Variants in GRIK4 observed in about 807,000 individuals in gnomAD.
The protein encoded by GRIK4 is glutamate receptor ionotropic, kainate 4.
Under a neutral mutation model 104.9 loss-of-function variants are expected in GRIK4, and 40 were observed. The observed-to-expected ratio is 0.38, with a 90% CI of 0.30 to 0.50. The LOEUF (loss-of-function observed/expected upper bound fraction) is 0.50, where lower values mean the gene tolerates loss of function less well. GRIK4 is among the 20% of genes least tolerant of loss of function. The pLI is 0.93. For synonymous variants in GRIK4, 485 were observed against 524.9 expected (o/e 0.92, Z 1.04); for missense variants, 1,047 against 1,308.1 (o/e 0.80, Z 3.08).
intron 1 of GRIK4, among the ~76,000 whole-genome samples, chr11:120,565,157 T>G (rs1206382826): frequency 6.6e-6 from 1 of 152,154 alleles, no homozygotes; most frequent in Non-Finnish European, 1.5e-5. Context: ...TGGGGAGCGC[T>G]GTGCCTGCTC....
intron 13 of GRIK4, among the ~76,000 whole-genome samples, chr11:120,919,897 G>A (rs557316998): frequency 1.3e-3 from 198 of 152,262 alleles, no homozygotes; most frequent in Non-Finnish European, 2.5e-3. Context: ...ATGGCACACA[G>A]GGAAAGAGTA....
At chr11:120,934,594 G>A (rs1186365335) in intron 13 of GRIK4, among the ~76,000 whole-genome samples, 1 of 152,132 alleles carries the variant, frequency 6.6e-6, no homozygotes, top group East Asian at 1.9e-4. Flanking sequence ...GTATGTTTTG[G>A]AAGTCACCTC....
At chr11:120,865,917 T>G (rs1191197394) in intron 9 of GRIK4, among the ~76,000 whole-genome samples, 1 of 151,682 alleles carries the variant, frequency 6.6e-6, no homozygotes, top group Non-Finnish European at 1.5e-5. Context: ...CCATTCTTGG[T>G]GGAAGGCAAG....
At chr11:120,598,673 C>T (rs1024423539) in intron 1 of GRIK4, among the ~76,000 whole-genome samples, 4 of 152,184 alleles carry the variant, frequency 2.6e-5, no homozygotes, top group African/African-American at 9.7e-5. Flanking sequence ...TCAGCTGTGG[C>T]AAGGACCACA....
intron 3 of GRIK4, among the ~76,000 whole-genome samples, chr11:120,723,273 T>C (rs933429725): frequency 1.3e-5 from 2 of 152,208 alleles, no homozygotes; most frequent in South Asian, 4.1e-4. Context: ...TTCTTCACAC[T>C]TGAAGGTGAT....
intron 3 of GRIK4, among the ~76,000 whole-genome samples, chr11:120,779,407 C>T (rs1021199058): frequency 2.6e-5 from 4 of 152,138 alleles, no homozygotes; most frequent in African/African-American, 9.7e-5. Flanking sequence ...GGCAAGTACC[C>T]TGGTTGGGGG....
At chr11:120,962,713 G>A in intron 18 of GRIK4, 32 bp downstream of exon 18, 2 of 1,480,020 alleles carry the variant, frequency 1.4e-6, no homozygotes, top group Non-Finnish European at 1.9e-6. Flanking sequence ...TCTTTGGGTA[G>A]CTTTGTCCAG....
chr11:120,932,416 C>T (rs543765237), intron 13 of GRIK4, among the ~76,000 whole-genome samples: 1 of 151,984 alleles, frequency 6.6e-6, no homozygotes, highest in African/African-American at 2.4e-5. Flanking sequence ...AGCTCAGCAG[C>T]CCCATGTTAC....
chr11:120,546,231 T>C (rs1948084338), intron 1 of GRIK4, among the ~76,000 whole-genome samples: 1 of 152,188 alleles, frequency 6.6e-6, no homozygotes, highest in Non-Finnish European at 1.5e-5. Context: ...CTGCTGTTCC[T>C]GTTGAATTGG....
chr11:120,833,504 C>T (rs535310235), intron 7 of GRIK4, among the ~76,000 whole-genome samples: 3 of 152,148 alleles, frequency 2.0e-5, no homozygotes, highest in African/African-American at 7.2e-5. Flanking sequence ...CTCCACCACC[C>T]TTGTGGAAGG....
intron 7 of GRIK4, among the ~76,000 whole-genome samples, chr11:120,834,842 C>T (rs983658937): frequency 6.6e-6 from 1 of 152,236 alleles, no homozygotes; most frequent in Admixed American, 6.5e-5. Context: ...CAGCAGATTT[C>T]ACAAAGCGGG....
intron 3 of GRIK4, among the ~76,000 whole-genome samples, chr11:120,791,980 C>G (rs1952403606): frequency 6.6e-6 from 1 of 152,178 alleles, no homozygotes; most frequent in South Asian, 2.1e-4. Flanking sequence ...TTGAAGTTCT[C>G]CTGCTGTCAG....
chr11:120,605,026 C>G (rs1948941174), intron 1 of GRIK4, among the ~76,000 whole-genome samples: 1 of 152,150 alleles, frequency 6.6e-6, no homozygotes, highest in South Asian at 2.1e-4. Context: ...CCGTACCTGC[C>G]TAATTTTTAA....
chr11:120,737,159 G>A (rs1189271424), intron 3 of GRIK4, among the ~76,000 whole-genome samples: 1 of 152,108 alleles, frequency 6.6e-6, no homozygotes, highest in Non-Finnish European at 1.5e-5. Context: ...GAGGATGGCC[G>A]GGAACCACTT....
intron 1 of GRIK4, among the ~76,000 whole-genome samples, chr11:120,580,871 C>G (rs1375090270): frequency 1.3e-5 from 2 of 152,168 alleles, no homozygotes; most frequent in East Asian, 3.9e-4. Context: ...GTGCCATTTT[C>G]CCTTCCTATC....
At chr11:120,699,530 GGTGTGTGTATGTGTGTGTGT>G (rs1359789937) in intron 3 of GRIK4, among the ~76,000 whole-genome samples, 3 of 135,064 alleles carry the variant, frequency 2.2e-5, no homozygotes, top group African/African-American at 8.6e-5. Context: ...CAGTAAGTCA[GGTGTGTGTATGTGTGTGTGT>G]GTGTGTGTGT....
At chr11:120,859,524 G>C (rs769115089) in intron 8 of GRIK4, 3 of 152,226 alleles carry the variant, frequency 2.0e-5, no homozygotes, top group South Asian at 4.1e-4. Flanking sequence ...TGTGGGGAGA[G>C]GATGGAGTTG....
chr11:120,592,568 C>T (rs892607147), intron 1 of GRIK4, among the ~76,000 whole-genome samples: 7 of 152,134 alleles, frequency 4.6e-5, no homozygotes, highest in Non-Finnish European at 1.0e-4. Context: ...TGATGTTTCT[C>T]TTGTGGACTC....
At chr11:120,950,176 A>C (rs11218075) in intron 14 of GRIK4, among the ~76,000 whole-genome samples, 39,799 of 152,106 alleles carry the variant, frequency 0.26, 5,580 homozygotes, top group East Asian at 0.36. Context: ...CCAGACCCAA[A>C]TCTCAAATGA....
Sources: allele counts gnomAD v4.1 joint callset (sites outside exome capture counted in the v4.1 genomes callset), GRCh38; gene constraint gnomAD v4.1.1; transcripts MANE v1.5; gene names NCBI Gene and HGNC (gene_info 2026-07-23, HGNC 2026-07-21).